Variants in API5 observed in about 807,000 individuals in gnomAD.
The protein encoded by API5 is apoptosis inhibitor 5.
API5 carries 6 observed loss-of-function variants against 71.9 expected under a neutral mutation model. The ratio of observed to expected loss-of-function variants is 0.08; its 90% CI spans 0.05 to 0.16. The LOEUF (loss-of-function observed/expected upper bound fraction) is 0.16, where lower values mean the gene tolerates loss of function less well. Among genes scored for constraint, API5 ranks in the 10% least tolerant of loss-of-function variants. The pLI, the probability that API5 is intolerant of heterozygous loss-of-function variation, is 1.00. For synonymous variants in API5, 189 were observed against 221.3 expected (o/e 0.85, Z 1.30); for missense variants, 332 against 612.8 (o/e 0.54, Z 4.84).
chr11:43,328,619 G>C, intron 8 of API5, 93 bp from the exon 9 acceptor site: 1 of 1,145,960 alleles, frequency 8.7e-7, no homozygotes. Flanking sequence ...AATGCTCCAT[G>C]CCTTAAAAAC....
At chr11:43,331,542 T>G (rs1238447844) in intron 11 of API5, among the ~76,000 whole-genome samples, 2 of 152,126 alleles carry the variant, frequency 1.3e-5, no homozygotes, top group East Asian at 3.9e-4. Context: ...CACAAAGGTC[T>G]TCATCCTTGT....
intron 12 of API5, among the ~76,000 whole-genome samples, chr11:43,335,625 A>G (rs1855407301): frequency 6.6e-6 from 1 of 152,162 alleles, no homozygotes; most frequent in South Asian, 2.1e-4. Flanking sequence ...CTTGCATGTA[A>G]GTCTGTGAAG....
At chr11:43,316,734 A>T (rs916675046) in intron 1 of API5, among the ~76,000 whole-genome samples, 5 of 152,284 alleles carry the variant, frequency 3.3e-5, no homozygotes, top group African/African-American at 1.2e-4. Flanking sequence ...GGCTTACCAC[A>T]GCCTTTATCG....
intron 2 of API5, 128 bp from the exon 3 acceptor site, chr11:43,320,693 T>C: frequency 1.3e-6 from 1 of 756,278 alleles, no homozygotes; most frequent in African/African-American, 1.8e-5. Context: ...GTTGCACCAC[T>C]GCACTCCAAC....
At chr11:43,325,022 T>C (rs962784754) in intron 6 of API5, among the ~76,000 whole-genome samples, 1 of 151,870 alleles carries the variant, frequency 6.6e-6, no homozygotes, top group Non-Finnish European at 1.5e-5. Flanking sequence ...GATCAAAATG[T>C]ATAGATGTTC....
rs1372665426 is a variant in API5 at position 43,327,797 on chromosome 11, A to G, written c.864A>G (p.Lys288=). ...TGAATTGTGTGTTTTAGGTATTGAA[A>G]TTGTTGGCGGAGATGAGTTCATTTT... is the stretch of plus-strand genomic sequence containing the variant. ...EGLDIQLEVL[K]LLAEMSSFCG... is the part of the protein sequence containing the mutation. The change falls in exon 8 of 14, where the codon AAA becomes AAG. Residue 288 remains lysine (K), a synonymous_variant. Transcript: ENST00000531273. 1.2e-6 allele frequency: 2 copies of G among 1,611,282 alleles called. No individual in the cohort carries two copies. The highest frequency in any genetic ancestry group is 1.7e-6 in the Non-Finnish European group (2 of 1,179,048).
At chr11:43,332,590 G>T (rs975716802) in intron 11 of API5, among the ~76,000 whole-genome samples, 7 of 152,114 alleles carry the variant, frequency 4.6e-5, no homozygotes, top group African/African-American at 1.7e-4. Flanking sequence ...CTGAGTGCAG[G>T]AGTTTCCATC....
At chr11:43,322,199 AG>A in intron 5 of API5, 63 bp downstream of exon 5, 1 of 1,451,400 alleles carries the variant, frequency 6.9e-7, no homozygotes, top group Non-Finnish European at 9.3e-7. Context: ...TGACATTGGC[AG>A]TATTCGTCAA....
At chr11:43,312,739 C>T (rs957571264) in intron 1 of API5, among the ~76,000 whole-genome samples, 2 of 152,004 alleles carry the variant, frequency 1.3e-5, no homozygotes, top group South Asian at 2.1e-4. Flanking sequence ...TTTTGAGTGC[C>T]GAGCGCTGGA....
In API5 at chr11:43,343,872, T is replaced by C. The variant is rs570653459; in HGVS notation, c.*1362T>C. The C allele has an allele frequency of 6.5e-6, 1 of 152,690 alleles. No individual in the cohort carries two copies. The highest frequency in any genetic ancestry group is 2.4e-5 in the African/African-American group (1 of 41,470). The allele number at this position is 152,690 out of a possible 1,614,324, so 9.5% of individuals were successfully genotyped here. A position where few individuals can be genotyped will look rare whatever the true frequency, so the allele number is the denominator to read the frequency against. On this transcript the variant is annotated 3_prime_UTR_variant, in exon 14 of 14. Transcript: ENST00000531273. Reference sequence around the variant, plus strand: ...TTTCTAGTAGTCTGATGTATTTTTCTGAGGAATAGTTTGTGATTCCAATGC... The same window carrying C: ...TTTCTAGTAGTCTGATGTATTTTTCCGAGGAATAGTTTGTGATTCCAATGC...
At chr11:43,312,332 T>C in intron 1 of API5, 136 bp downstream of exon 1, 5 of 921,660 alleles carry the variant, frequency 5.4e-6, no homozygotes, top group Non-Finnish European at 6.7e-6. Context: ...TCAGGCCGTC[T>C]CGTCGGGGTG....
intron 1 of API5, among the ~76,000 whole-genome samples, chr11:43,313,959 T>A (rs1228312433): frequency 6.6e-6 from 1 of 152,114 alleles, no homozygotes; most frequent in East Asian, 1.9e-4. Flanking sequence ...CGTGGTGGCA[T>A]GCGCCTGAAG....
chr11:43,326,036 G>C (rs200414309), intron 6 of API5, among the ~76,000 whole-genome samples: 1 of 152,174 alleles, frequency 6.6e-6, no homozygotes, highest in Admixed American at 6.5e-5. Context: ...TAAGAGTTTT[G>C]ATGAGGAATC....
At chr11:43,325,544 C>T (rs1855042952) in intron 6 of API5, among the ~76,000 whole-genome samples, 1 of 152,194 alleles carries the variant, frequency 6.6e-6, no homozygotes, top group African/African-American at 2.4e-5. Flanking sequence ...GTTGGTTCAG[C>T]TTATTCAATT....
intron 11 of API5, among the ~76,000 whole-genome samples, chr11:43,331,865 A>G (rs1855268098): frequency 6.6e-6 from 1 of 152,208 alleles, no homozygotes. Flanking sequence ...CTAATCTCCT[A>G]AGGAAATGTT....
At chr11:43,319,026 C>G (rs953884244) in intron 2 of API5, 2 of 450,512 alleles carry the variant, frequency 4.4e-6, no homozygotes, top group Non-Finnish European at 7.7e-6. Context: ...TACTTAGTTT[C>G]GCTTATCATT....
intron 1 of API5, 94 bp downstream of exon 1, chr11:43,312,290 C>G (rs1854500669): frequency 7.3e-7 from 1 of 1,362,802 alleles, no homozygotes; most frequent in East Asian, 2.4e-5. Context: ...GCGGGGGCTG[C>G]GGCTTCATCC....
intron 1 of API5, among the ~76,000 whole-genome samples, chr11:43,312,815 T>C (rs985120473): frequency 3.9e-5 from 6 of 152,036 alleles, no homozygotes; most frequent in Non-Finnish European, 5.9e-5. Flanking sequence ...GTAAGAAAGA[T>C]AGGCATTGTG....
rs980636986 is a variant in API5, at chr11:43,312,048, G to T, written c.-80G>T. ...TGGAGGTGTAATAGTGCGGGTAGTG[G>T]GTTTGGAGAAGTTCCGAGGCGGCGG... On this transcript the variant is annotated 5_prime_UTR_variant, in exon 1 of 14. Coordinates refer to ENST00000531273, the MANE Select transcript of API5 (RefSeq NM_001142930.2). The T allele has an allele frequency of 1.1e-5, 17 of 1,507,164 alleles. No individual in the cohort carries two copies. The African/African-American group carries it at 2.2e-4, about 19-fold the overall frequency. The allele number at this position is 1,507,164 out of a possible 1,614,324, so 93.4% of individuals were successfully genotyped here. A position where few individuals can be genotyped will look rare whatever the true frequency, so the allele number is the denominator to read the frequency against.
Sources: allele counts gnomAD v4.1 joint callset (sites outside exome capture counted in the v4.1 genomes callset), GRCh38; gene constraint gnomAD v4.1.1; transcripts MANE v1.5; gene names NCBI Gene and HGNC (gene_info 2026-07-23, HGNC 2026-07-21).